Variants in KCMF1 observed in about 807,000 individuals in gnomAD.
KCMF1 encodes potassium channel modulatory factor 1.
A neutral mutation model predicts 41.1 loss-of-function variants in KCMF1; 3 were observed. That is an observed-to-expected ratio of 0.07 (90% confidence interval 0.03 to 0.19). KCMF1 has a LOEUF of 0.19. Among genes scored for constraint, KCMF1 ranks in the 10% least tolerant of loss-of-function variants. The probability of loss-of-function intolerance (pLI) is 1.00; values close to 1 mark genes in which losing one functional copy is unlikely to be tolerated. For synonymous variants in KCMF1, 142 were observed against 164.5 expected (o/e 0.86, Z 1.04); for missense variants, 286 against 488.9 (o/e 0.58, Z 3.91).
chr2:84,985,295 C>T (rs1038756801), intron 1 of KCMF1, among the ~76,000 whole-genome samples: 9 of 152,146 alleles, frequency 5.9e-5, no homozygotes, highest in Admixed American at 1.3e-4. Context: ...AAACACATTT[C>T]GGAAGCCCTG....
intron 1 of KCMF1, among the ~76,000 whole-genome samples, chr2:84,997,123 C>T (rs3883936): frequency 0.066 from 10,088 of 152,246 alleles, 585 homozygotes; most frequent in East Asian, 0.34. Context: ...AAGTGTTGTG[C>T]ATGACTATAC....
chr2:84,998,473 G>A (rs1224787642), intron 1 of KCMF1, among the ~76,000 whole-genome samples: 2 of 152,100 alleles, frequency 1.3e-5, no homozygotes, highest in Non-Finnish European at 2.9e-5. Context: ...CTGATTTGCA[G>A]TATAGTCTGA....
chr2:84,986,807 G>T (rs932664833), intron 1 of KCMF1, among the ~76,000 whole-genome samples: 1 of 151,990 alleles, frequency 6.6e-6, no homozygotes, highest in African/African-American at 2.4e-5. Flanking sequence ...GCTTGAACCC[G>T]AGAGGTGGAG....
rs1201076131 is a variant in KCMF1, at chr2:85,057,333, G to T, written c.*3924G>T. The T allele has an allele frequency of 6.6e-6, 1 of 152,188 alleles. No individual in the cohort carries two copies. The highest frequency in any genetic ancestry group is 1.5e-5 in the Non-Finnish European group (1 of 68,050). 9.4% of individuals were successfully genotyped at this position (152,188 alleles called of 1,614,324 possible). ...GTTCTCTCCTTGAGACCGGAAGTGG[G>T]ATGGGGGTGGGCAGGTGGAAGGGAA... On this transcript the variant is annotated 3_prime_UTR_variant, in exon 7 of 7. Transcript: ENST00000409785.
chr2:85,017,174 G>A (rs1199291258), intron 1 of KCMF1, among the ~76,000 whole-genome samples: 15 of 151,878 alleles, frequency 9.9e-5, no homozygotes, highest in South Asian at 4.2e-4. Context: ...ACAGGCGCCC[G>A]CCACTGCGCC....
At chr2:84,996,946 C>T (rs1477110749) in intron 1 of KCMF1, among the ~76,000 whole-genome samples, 1 of 152,036 alleles carries the variant, frequency 6.6e-6, no homozygotes, top group African/African-American at 2.4e-5. Context: ...TGTATGTTGG[C>T]CAGGCTAAGC....
At chr2:84,980,258 C>G (rs1424785338) in intron 1 of KCMF1, among the ~76,000 whole-genome samples, 1 of 152,142 alleles carries the variant, frequency 6.6e-6, no homozygotes, top group Non-Finnish European at 1.5e-5. Context: ...AAAAGATAGG[C>G]TGTTCTTGGG....
chr2:85,022,217 ATCTC>A (rs1260599325), intron 1 of KCMF1, among the ~76,000 whole-genome samples: 1 of 146,516 alleles, frequency 6.8e-6, no homozygotes, highest in Admixed American at 6.7e-5. Context: ...CATGCCTGTA[ATCTC>A]AGTGCTTTGG....
intron 1 of KCMF1, among the ~76,000 whole-genome samples, chr2:84,973,303 A>G (rs1673448671): frequency 6.6e-6 from 1 of 152,222 alleles, no homozygotes; most frequent in Non-Finnish European, 1.5e-5. Context: ...TAGAGTAATT[A>G]AAATCTCATA....
At chr2:84,998,240 C>T (rs935162171) in intron 1 of KCMF1, among the ~76,000 whole-genome samples, 7 of 150,606 alleles carry the variant, frequency 4.6e-5, no homozygotes, top group Non-Finnish European at 1.0e-4. Context: ...TACAGGTGCA[C>T]GCCACCATGC....
intron 1 of KCMF1, among the ~76,000 whole-genome samples, chr2:85,005,985 T>A (rs1290792571): frequency 6.6e-6 from 1 of 152,206 alleles, no homozygotes. Flanking sequence ...TTCTTTTATT[T>A]ACCAAGCATG....
intron 6 of KCMF1, among the ~76,000 whole-genome samples, chr2:85,051,050 G>T (rs1348177694): frequency 6.6e-6 from 1 of 152,174 alleles, no homozygotes; most frequent in African/African-American, 2.4e-5. Flanking sequence ...GTATGGTCTG[G>T]CTCACTATCT....
intron 6 of KCMF1, among the ~76,000 whole-genome samples, chr2:85,051,548 T>C (rs772079148): frequency 6.6e-5 from 10 of 152,138 alleles, no homozygotes; most frequent in African/African-American, 9.7e-5. Flanking sequence ...GTCTGTGGAT[T>C]CTGGTTGTAG....
chr2:84,987,570 G>A (rs948528407), intron 1 of KCMF1, among the ~76,000 whole-genome samples: 4 of 152,140 alleles, frequency 2.6e-5, no homozygotes, highest in Admixed American at 6.5e-5. Context: ...GGAGAGACAG[G>A]AAAAAGAATC....
chr2:84,981,563 T>C (rs1026903431), intron 1 of KCMF1, among the ~76,000 whole-genome samples: 2 of 152,144 alleles, frequency 1.3e-5, no homozygotes, highest in Admixed American at 1.3e-4. Flanking sequence ...ATCAACTTTT[T>C]CTACAGTAAG....
At chr2:85,037,193 T>C (rs1434784168) in intron 3 of KCMF1, among the ~76,000 whole-genome samples, 1 of 152,192 alleles carries the variant, frequency 6.6e-6, no homozygotes, top group Non-Finnish European at 1.5e-5. Flanking sequence ...TATTTTCATA[T>C]TGGTTTTTGT....
rs766060848 is a variant in KCMF1, at chr2:85,046,103, T to C, written c.427-1T>C. On this transcript the variant is annotated splice_acceptor_variant, in intron 4 of 6. Coordinates refer to ENST00000409785, the MANE Select transcript of KCMF1 (RefSeq NM_020122.5). LOFTEE classifies it high-confidence loss of function. The stretch of plus-strand genomic sequence containing the variant: ...CGTTTTTTTCTTAACTTTTGGGTTA[T>C]GATGAATCGAGTGGTGTTCGACATG... 9 of 1,607,640 alleles carry C rather than the reference T, an allele frequency of 5.6e-6. 1 individual carries two copies. In the South Asian group the frequency reaches 6.7e-5, roughly 12 times the overall value.
At chr2:85,034,391 A>G (rs757748867) in intron 2 of KCMF1, among the ~76,000 whole-genome samples, 8 of 152,236 alleles carry the variant, frequency 5.3e-5, no homozygotes, top group East Asian at 1.9e-4. Flanking sequence ...TTTACTGTCA[A>G]TGTCAGTGTT....
chr2:85,032,904 G>A (rs1675310325), intron 2 of KCMF1, among the ~76,000 whole-genome samples: 1 of 152,100 alleles, frequency 6.6e-6, no homozygotes, highest in African/African-American at 2.4e-5. Context: ...CTTCCTTTCT[G>A]TCTGGATGCC....
Sources: allele counts gnomAD v4.1 joint callset (sites outside exome capture counted in the v4.1 genomes callset), GRCh38; gene constraint gnomAD v4.1.1; transcripts MANE v1.5; gene names NCBI Gene and HGNC (gene_info 2026-07-23, HGNC 2026-07-21).